Variants in URB1 observed in about 807,000 individuals in gnomAD.
The protein encoded by URB1 is URB1 ribosome biogenesis factor, also known as nucleolar pre-ribosomal-associated protein 1.
Under a neutral mutation model 242.3 loss-of-function variants are expected in URB1, and 197 were observed. That is an observed-to-expected ratio of 0.81 (90% CI 0.72 to 0.91). The LOEUF (loss-of-function observed/expected upper bound fraction) is 0.91. URB1 is among the 40% of genes least tolerant of loss of function. The pLI is 0.00. For missense variants in URB1, 2,721 were observed against 2,860.5 expected (o/e 0.95, Z 1.11); for synonymous variants, 1,153 against 1,201.8 (o/e 0.96, Z 0.84).
chr21:32,368,833 G>C (rs1470537088), intron 8 of URB1, among the ~76,000 whole-genome samples: 1 of 149,954 alleles, frequency 6.7e-6, no homozygotes, highest in East Asian at 1.9e-4. Context: ...TCTGTCCTGC[G>C]ATCTTTCTTC....
intron 30 of URB1, among the ~76,000 whole-genome samples, chr21:32,330,716 G>C (rs2032884185): frequency 6.6e-6 from 1 of 152,218 alleles, no homozygotes; most frequent in Admixed American, 6.5e-5. Flanking sequence ...GAAATCAGAA[G>C]AGCTTCCTGG....
intron 1 of URB1, among the ~76,000 whole-genome samples, chr21:32,387,298 TTCAGAGAATCACTTGAACCTGCCTC>T (rs2033593672): frequency 6.6e-6 from 1 of 152,106 alleles, no homozygotes; most frequent in African/African-American, 2.4e-5. Context: ...AAAACTGCCT[TTCAGAGAATCACTTGAACCTGCCTC>T]TCGGAGAATC....
chr21:32,345,350 T>C (rs1601135316), intron 23 of URB1, 24 bp downstream of exon 23: 3 of 1,545,768 alleles, frequency 1.9e-6, no homozygotes, highest in Non-Finnish European at 2.6e-6. Flanking sequence ...TGGAACATCC[T>C]GCAACCAACC....
rs760382498 is a variant in URB1 at position 32,350,125 on chromosome 21, G to GA, written c.2832+578dup. Among the ~76,000 whole-genome samples, 272 of 55,334 alleles carry GA rather than the reference G, an allele frequency of 4.9e-3. No homozygotes were observed. In the East Asian group the frequency reaches 0.056, roughly 11 times the overall value. The allele number at this position is 55,334 out of a possible 152,430, so 36.3% of individuals were successfully genotyped here. On this transcript the variant is annotated intron_variant, in intron 20 of 38. Transcript: ENST00000382751. ...GCAACAAGAGCGAAACTCTGTCTCA[G>GA]AAAAAAAAAAAAAAGAGGGAGGGAG...
intron 26 of URB1, among the ~76,000 whole-genome samples, chr21:32,337,868 C>T (rs540896901): frequency 6.6e-6 from 1 of 152,202 alleles, no homozygotes; most frequent in African/African-American, 2.4e-5. Context: ...CACCTTTCTT[C>T]CTAGGCCTTT....
intron 25 of URB1, among the ~76,000 whole-genome samples, chr21:32,340,420 T>A (rs1032996380): frequency 2.0e-5 from 3 of 152,184 alleles, no homozygotes; most frequent in African/African-American, 7.2e-5. Context: ...GAGACCAGCC[T>A]GCCCAACATG....
chr21:32,319,206 G>GC lies in URB1; in HGVS notation c.5792+10dup. 6.5e-7 allele frequency: 1 copy of GC among 1,544,940 alleles called. No homozygotes were observed. Among genetic ancestry groups the GC allele is most frequent in the African/African-American group, 1.4e-5 (1 of 72,770 alleles). ...GGCCAGAAGGGCCCCCCTGGCGGGG[G>GC]CAGGACTCACCTCAGGTGCTTCATG... On this transcript the variant is annotated intron_variant, in intron 36 of 38. Coordinates refer to ENST00000382751, the MANE Select transcript of URB1 (RefSeq NM_014825.3).
At chr21:32,364,487 G>A (rs191419880) in intron 10 of URB1, among the ~76,000 whole-genome samples, 36 of 152,240 alleles carry the variant, frequency 2.4e-4, no homozygotes, top group Admixed American at 4.6e-4. Context: ...CAATAACCAC[G>A]ACACCCCAGA....
intron 35 of URB1, 46 bp from the exon 36 acceptor site, chr21:32,319,460 T>C: frequency 6.9e-7 from 1 of 1,444,924 alleles, no homozygotes; most frequent in African/African-American, 1.4e-5. Context: ...TCCTGACCTT[T>C]CAGCAGGATC....
chr21:32,325,976 G>T (rs1057472152), intron 30 of URB1, among the ~76,000 whole-genome samples: 1 of 152,138 alleles, frequency 6.6e-6, no homozygotes, highest in Admixed American at 6.5e-5. Context: ...CAAAAGCTAC[G>T]GTCCAGAGAG....
At chr21:32,390,177 C>T (rs2033622767) in intron 1 of URB1, among the ~76,000 whole-genome samples, 1 of 152,228 alleles carries the variant, frequency 6.6e-6, no homozygotes, top group African/African-American at 2.4e-5. Flanking sequence ...TACACCCATG[C>T]CCTGTCAACC....
intron 17 of URB1, 99 bp downstream of exon 17, chr21:32,354,760 G>A (rs1219805036): frequency 4.9e-6 from 7 of 1,431,028 alleles, no homozygotes; most frequent in Middle Eastern, 2.5e-4. Flanking sequence ...TGTGCACTTG[G>A]CCTAGGGCAT....
In URB1 at chr21:32,322,561, T is replaced by C; in HGVS notation, c.5257A>G (p.Ser1753Gly). 6.4e-7 allele frequency: 1 copy of C among 1,552,004 alleles called. No individual in the cohort carries two copies. Among genetic ancestry groups the C allele is most frequent in the East Asian group, 2.4e-5 (1 of 40,926 alleles). Reference sequence around the variant, plus strand: ...TACTCATGCGACAGCAGGAAGTTGCTGACCTTCAGGTACATGTGCTCCTCT... The same window carrying C: ...TACTCATGCGACAGCAGGAAGTTGCCGACCTTCAGGTACATGTGCTCCTCT... ...KPEEHMYLKV[S>G]NFLLSHEYLN... The change falls in exon 33 of 39, where the codon AGC (serine) becomes GGC (glycine). Residue 1753 changes from serine (S) to glycine (G), a missense_variant. Coordinates refer to ENST00000382751, the MANE Select transcript of URB1 (RefSeq NM_014825.3).
At chr21:32,385,877 C>T (rs1418446476) in intron 1 of URB1, among the ~76,000 whole-genome samples, 193 bp from the exon 2 acceptor site, 1 of 152,128 alleles carries the variant, frequency 6.6e-6, no homozygotes, top group Non-Finnish European at 1.5e-5. Context: ...CCCGGCCGGG[C>T]GCGGTGGCTC....
rs551444001 is a variant in URB1, at chr21:32,387,085, T to A, written c.143-1401A>T. On this transcript the variant is annotated intron_variant, in intron 1 of 38. Transcript: ENST00000382751. ...GGCACCCCACTAGAGTGTTTCCCCA[T>A]AAGGCCACCCCAGAAGTTCCCCACT... is the stretch of plus-strand genomic sequence containing the variant. 7.9e-5 allele frequency among the ~76,000 whole-genome samples: 12 copies of A among 152,144 alleles called. No individual in the cohort carries two copies. The South Asian group carries it at 2.5e-3, about 32-fold the overall frequency.
intron 12 of URB1, 22 bp downstream of exon 12, chr21:32,361,870 C>T: frequency 6.5e-7 from 1 of 1,549,130 alleles, no homozygotes; most frequent in Non-Finnish European, 8.7e-7. Context: ...GCAGAGGGTC[C>T]CCCTCACCCC....
At chr21:32,381,545 A>C (rs891776509) in intron 4 of URB1, among the ~76,000 whole-genome samples, 1 of 152,180 alleles carries the variant, frequency 6.6e-6, no homozygotes, top group African/African-American at 2.4e-5. Flanking sequence ...AAGATATTTA[A>C]GAAACATATC....
chr21:32,347,907 CAG>C (rs1329240448), intron 21 of URB1, 96 bp from the exon 22 acceptor site: 33 of 1,437,244 alleles, frequency 2.3e-5, no homozygotes, highest in Non-Finnish European at 2.9e-5. Flanking sequence ...GTTAGCGAGA[CAG>C]AGAGCAGAAG....
chr21:32,325,184 C>A, intron 31 of URB1, 45 bp downstream of exon 31: 2 of 1,516,482 alleles, frequency 1.3e-6, no homozygotes, highest in Non-Finnish European at 1.8e-6. Flanking sequence ...CTCTGAAGTC[C>A]GCCAGGCCCA....
Sources: allele counts gnomAD v4.1 joint callset (sites outside exome capture counted in the v4.1 genomes callset), GRCh38; gene constraint gnomAD v4.1.1; transcripts MANE v1.5; gene names NCBI Gene and HGNC (gene_info 2026-07-23, HGNC 2026-07-21).